Variants in PPM1H observed in about 807,000 individuals in gnomAD.
The protein encoded by PPM1H is protein phosphatase, Mg2+/Mn2+ dependent 1H, also known as protein phosphatase 1H.
Under a neutral mutation model 54.9 loss-of-function variants are expected in PPM1H, and 27 were observed. That is an observed-to-expected ratio of 0.49 (90% CI 0.36 to 0.68). PPM1H has a LOEUF of 0.68. Ranked by LOEUF, PPM1H falls within the 30% of genes least tolerant of loss-of-function variation. The pLI is 0.00. For synonymous variants in PPM1H, 305 were observed against 270.8 expected, an observed-to-expected ratio of 1.13 and a Z score of -1.24; for missense variants, 596 against 667.8, an observed-to-expected ratio of 0.89 and a Z score of 1.19.
intron 7 of PPM1H, among the ~76,000 whole-genome samples, chr12:62,692,961 A>ACACACT (rs1298303757): frequency 1.3e-5 from 2 of 151,516 alleles, no homozygotes; most frequent in African/African-American, 2.4e-5. Context: ...ACACACACAC[A>ACACACT]CACTCTGCCC....
chr12:62,764,961 G>A (rs915503753), intron 4 of PPM1H, among the ~76,000 whole-genome samples: 1 of 152,222 alleles, frequency 6.6e-6, no homozygotes, highest in African/African-American at 2.4e-5. Context: ...AAGAGGACAG[G>A]CTCAGGGGAG....
intron 2 of PPM1H, among the ~76,000 whole-genome samples, chr12:62,817,526 C>T (rs2076878574): frequency 6.6e-6 from 1 of 151,710 alleles, no homozygotes; most frequent in Non-Finnish European, 1.5e-5. Context: ...ATTTTCTTCA[C>T]ATGTGCAGAA....
intron 9 of PPM1H, among the ~76,000 whole-genome samples, chr12:62,654,012 C>A (rs553481540): frequency 6.6e-6 from 1 of 151,814 alleles, no homozygotes; most frequent in Non-Finnish European, 1.5e-5. Flanking sequence ...GAGGTCAAGG[C>A]GGGTGGATTA....
intron 1 of PPM1H, among the ~76,000 whole-genome samples, chr12:62,901,952 A>G (rs1871172349): frequency 6.6e-6 from 1 of 152,216 alleles, no homozygotes; most frequent in Non-Finnish European, 1.5e-5. Flanking sequence ...AAAATGGGAT[A>G]ATAAAACAGA....
intron 4 of PPM1H, among the ~76,000 whole-genome samples, chr12:62,747,446 A>G (rs932373240): frequency 6.6e-6 from 1 of 152,120 alleles, no homozygotes; most frequent in African/African-American, 2.4e-5. Flanking sequence ...ATTTTTAAAA[A>G]TTTTTTAGAG....
chr12:62,871,010 T>A (rs1338411681), intron 1 of PPM1H, among the ~76,000 whole-genome samples: 1 of 152,186 alleles, frequency 6.6e-6, no homozygotes, highest in East Asian at 1.9e-4. Context: ...TGGCAATTCC[T>A]GAAAAAGTTA....
intron 1 of PPM1H, among the ~76,000 whole-genome samples, chr12:62,846,167 A>C (rs1487962643): frequency 6.6e-6 from 1 of 152,152 alleles, no homozygotes; most frequent in African/African-American, 2.4e-5. Context: ...CCCATGCTCA[A>C]ATATCTCCAA....
chr12:62,729,400 C>T (rs1023232725), intron 5 of PPM1H, among the ~76,000 whole-genome samples: 1 of 152,092 alleles, frequency 6.6e-6, no homozygotes, highest in African/African-American at 2.4e-5. Context: ...GACATTGGCA[C>T]CAAAGATGGC....
At chr12:62,648,815 A>G (rs994497739) in intron 9 of PPM1H, among the ~76,000 whole-genome samples, 179 bp from the exon 10 acceptor site, 1 of 152,222 alleles carries the variant, frequency 6.6e-6, no homozygotes, top group African/African-American at 2.4e-5. Context: ...ATGTGAGATT[A>G]TTGTTTACAT....
In PPM1H at chr12:62,691,695, C is replaced by A. The variant is rs192776923; in HGVS notation, c.1138-1889G>T. On this transcript the variant is annotated intron_variant, in intron 7 of 9. Transcript: ENST00000228705. ...AAAAATTAGCCAGTGTGGTGGCATG[C>A]GCCTGTAGTCCCAGCTACTCAGGAG... 7.9e-5 allele frequency among the ~76,000 whole-genome samples: 12 copies of A among 151,814 alleles called. No individual in the cohort carries two copies. In the East Asian group the frequency reaches 2.3e-3, roughly 29 times the overall value.
At chr12:62,854,397 CTT>C (rs1045696132) in intron 1 of PPM1H, among the ~76,000 whole-genome samples, 1 of 152,076 alleles carries the variant, frequency 6.6e-6, no homozygotes, top group African/African-American at 2.4e-5. Context: ...GCATCTGACA[CTT>C]TGATCACTCT....
chr12:62,817,998 A>G (rs1328568892), intron 2 of PPM1H, among the ~76,000 whole-genome samples: 3 of 152,244 alleles, frequency 2.0e-5, no homozygotes, highest in Non-Finnish European at 4.4e-5. Context: ...GCTAAATTAA[A>G]CAACACAAGG....
At chr12:62,867,392 T>C (rs944455282) in intron 1 of PPM1H, among the ~76,000 whole-genome samples, 11 of 152,020 alleles carry the variant, frequency 7.2e-5, no homozygotes, top group African/African-American at 2.7e-4. Context: ...CCCCTTTGAT[T>C]GTTTTGCCCT....
rs144011246 is a variant in PPM1H, at chr12:62,925,493, G to A, written c.245+8999C>T. Among the ~76,000 whole-genome samples, 353 of 152,312 alleles carry A rather than the reference G, an allele frequency of 2.3e-3. 4 individuals are homozygous for A. Among genetic ancestry groups the A allele is most frequent in the Admixed American group, 0.022 (330 of 15,300 alleles). On this transcript the variant is annotated intron_variant, in intron 1 of 9. Transcript: ENST00000228705. The stretch of plus-strand genomic sequence containing the variant: ...CTCGGGAGGCTGAGGCATGAGAATT[G>A]CTGGAACTGGGGAGGCAGGTGTTGT...
At chr12:62,763,252 T>C (rs1175095669) in intron 4 of PPM1H, among the ~76,000 whole-genome samples, 1 of 152,184 alleles carries the variant, frequency 6.6e-6, no homozygotes, top group African/African-American at 2.4e-5. Flanking sequence ...TGCTGGCCTT[T>C]CCACTTGTCC....
intron 9 of PPM1H, chr12:62,659,005 CA>C (rs769268851): frequency 1.7e-5 from 12 of 722,962 alleles, no homozygotes; most frequent in Non-Finnish European, 3.1e-5. Flanking sequence ...GTTATGGGAG[CA>C]ACAGAAAAAC....
chr12:62,838,822 G>A (rs1255856123), intron 1 of PPM1H, among the ~76,000 whole-genome samples: 1 of 126,228 alleles, frequency 7.9e-6, no homozygotes, highest in African/African-American at 3.4e-5. Context: ...TCGGGAGGCT[G>A]AGGCAGGAGA....
At chr12:62,666,748 C>G (rs1204684869) in intron 9 of PPM1H, among the ~76,000 whole-genome samples, 1 of 152,064 alleles carries the variant, frequency 6.6e-6, no homozygotes, top group African/African-American at 2.4e-5. Flanking sequence ...GAGGGTCGCT[C>G]TGTCACCCAG....
Position 62,845,600 on chromosome 12 carries a change from A to T in PPM1H, c.246-13321T>A, listed in dbSNP as rs112766932. ...ACCTTTAATACGGGTGTACAAGGGA[A>T]CCTCAAGTGCTGCTGTTCCTTGGGG... On this transcript the variant is annotated intron_variant, in intron 1 of 9. Transcript: ENST00000228705. 2.6e-3 allele frequency among the ~76,000 whole-genome samples: 390 copies of T among 152,198 alleles called. 1 individual carries two copies. The highest frequency in any genetic ancestry group is 8.9e-3 in the African/African-American group (370 of 41,516).
Sources: gnomAD v4.1 joint callset for allele counts (sites outside exome capture counted in the v4.1 genomes callset) on GRCh38, gnomAD v4.1.1 for gene constraint, MANE v1.5 for transcripts, NCBI Gene and HGNC (gene_info 2026-07-23, HGNC 2026-07-21) for gene names.